The following LRRC37A variants were observed in gnomAD, a reference collection of about 807,000 sequenced individuals.
LRRC37A encodes leucine-rich repeat-containing protein 37A.
A neutral mutation model predicts 35.4 loss-of-function variants in LRRC37A; 3 were observed. The observed-to-expected ratio is 0.08, with a 90% CI of 0.04 to 0.22. LRRC37A has a LOEUF of 0.22. Ranked by LOEUF, LRRC37A falls within the 10% of genes least tolerant of loss-of-function variation. LRRC37A has a pLI of 1.00. For missense variants in LRRC37A, 67 were observed against 565.3 expected, an observed-to-expected ratio of 0.12 and a Z score of 8.94; for synonymous variants, 23 against 215.0, an observed-to-expected ratio of 0.11 and a Z score of 7.81.
At chr17:46,277,648 T>C in the LRRC37A span, among the ~76,000 whole-genome samples, 14,983 of 145,040 alleles carry the variant, frequency 0.1, 1 homozygote, top group Non-Finnish European at 0.16. Flanking sequence ...TTTCTTTCTT[T>C]CTTTCTTTTT....
the LRRC37A span, chr17:46,267,339 G>T: frequency 6.5e-7 from 1 of 1,527,900 alleles, no homozygotes; most frequent in African/African-American, 1.4e-5. Context: ...ACGGGATAGT[G>T]CATGACGTGG....
At chr17:46,289,492 C>A (rs1290485570), upstream of LRRC37A, among the ~76,000 whole-genome samples, 5 of 152,142 alleles carry the variant, frequency 3.3e-5, no homozygotes, top group Non-Finnish European at 7.3e-5. Flanking sequence ...TTCTTAAAAT[C>A]TGACTTAAAA....
At chr17:46,284,038 A>G in the LRRC37A span, among the ~76,000 whole-genome samples, 2 of 152,170 alleles carry the variant, frequency 1.3e-5, no homozygotes, top group African/African-American at 4.8e-5. Flanking sequence ...GGAACATACA[A>G]TCGGGTTTTA....
At chr17:46,255,614 C>T in the LRRC37A span, among the ~76,000 whole-genome samples, 2 of 151,828 alleles carry the variant, frequency 1.3e-5, no homozygotes, top group East Asian at 3.9e-4. Flanking sequence ...AATCTGCTGA[C>T]TTCAGCCTCC....
chr17:46,286,154 G>A, the LRRC37A span, among the ~76,000 whole-genome samples: 3 of 152,212 alleles, frequency 2.0e-5, no homozygotes, highest in Non-Finnish European at 4.4e-5. Flanking sequence ...TTATAATAAA[G>A]CATGCACCTG....
chr17:46,267,877 A>T, the LRRC37A span, among the ~76,000 whole-genome samples: 1 of 147,150 alleles, frequency 6.8e-6, no homozygotes, highest in African/African-American at 2.5e-5. Flanking sequence ...GTAGCGGGGA[A>T]TACCCACTCC....
the LRRC37A span, chr17:46,260,379 A>C: frequency 6.9e-7 from 1 of 1,445,494 alleles, no homozygotes; most frequent in Non-Finnish European, 9.0e-7. Context: ...GAGGCGGCCC[A>C]CGCGCTGGAA....
At chr17:46,264,991 G>A in the LRRC37A span, among the ~76,000 whole-genome samples, 213 of 152,362 alleles carry the variant, frequency 1.4e-3, 2 homozygotes, top group Middle Eastern at 0.01. Flanking sequence ...GGGATCTGAG[G>A]ACATCTATGA....
At chr17:46,280,059 T>C in the LRRC37A span, among the ~76,000 whole-genome samples, 1 of 152,272 alleles carries the variant, frequency 6.6e-6, no homozygotes, top group African/African-American at 2.4e-5. Flanking sequence ...CTGAACCTCT[T>C]GTTTTCTGAA....
chr17:46,285,162 C>T, the LRRC37A span, among the ~76,000 whole-genome samples: 2 of 152,194 alleles, frequency 1.3e-5, no homozygotes, highest in African/African-American at 2.4e-5. Flanking sequence ...AGCAACCACA[C>T]TGGCCTTCTG....
the LRRC37A span, among the ~76,000 whole-genome samples, chr17:46,262,612 T>A: frequency 6.6e-6 from 1 of 152,140 alleles, no homozygotes; most frequent in Non-Finnish European, 1.5e-5. Flanking sequence ...ATAATTTCCT[T>A]CTTCATAAGG....
At chr17:46,259,078 A>G in the LRRC37A span, among the ~76,000 whole-genome samples, 2 of 144,038 alleles carry the variant, frequency 1.4e-5, no homozygotes, top group Non-Finnish European at 3.0e-5. Flanking sequence ...TAACATAAAT[A>G]CAACCAGCAT....
chr17:46,283,760 G>T, the LRRC37A span, among the ~76,000 whole-genome samples: 1 of 152,196 alleles, frequency 6.6e-6, no homozygotes, highest in Non-Finnish European at 1.5e-5. Flanking sequence ...GGAGGATGCT[G>T]CCGGCCTCTG....
chr17:46,265,289 TTCTTCTTCTTCTTCTTC>T, the LRRC37A span, among the ~76,000 whole-genome samples: 1 of 89,540 alleles, frequency 1.1e-5, no homozygotes. Flanking sequence ...CTTCTTCTTC[TTCTTCTTCTTCTTCTTC>T]TTCTTCTTCC....
chr17:46,261,103 G>T, the LRRC37A span, among the ~76,000 whole-genome samples: 4 of 152,178 alleles, frequency 2.6e-5, no homozygotes, highest in Non-Finnish European at 5.9e-5. Flanking sequence ...TATTAATTGG[G>T]TGCAGTCTAT....
the LRRC37A span, among the ~76,000 whole-genome samples, chr17:46,265,301 T>TTCC: frequency 8.1e-6 from 1 of 124,134 alleles, no homozygotes; most frequent in African/African-American, 3.0e-5. Context: ...CTTCTTCTTC[T>TTCC]TCTTCTTCTT....
At chr17:46,276,790 C>CTTTTTT in the LRRC37A span, among the ~76,000 whole-genome samples, 2 of 134,320 alleles carry the variant, frequency 1.5e-5, no homozygotes, top group African/African-American at 2.8e-5. Context: ...TTCTTTTTTT[C>CTTTTTT]TTTTTTTTTT....
chr17:46,285,886 G>C, the LRRC37A span, among the ~76,000 whole-genome samples: 1 of 152,248 alleles, frequency 6.6e-6, no homozygotes, highest in African/African-American at 2.4e-5. Context: ...GCTGCACACA[G>C]AGGGGCTCTC....
chr17:46,268,381 T>C, the LRRC37A span: 1 of 803,282 alleles, frequency 1.2e-6, no homozygotes, highest in Non-Finnish European at 1.7e-6. Context: ...AGACTAAATA[T>C]CAGTTTCAAC....
Sources: allele counts gnomAD v4.1 joint callset (sites outside exome capture counted in the v4.1 genomes callset), GRCh38; gene constraint gnomAD v4.1.1; transcripts MANE v1.5; gene names NCBI Gene and HGNC (gene_info 2026-07-23, HGNC 2026-07-21).